The following MSRB3 variants were observed in gnomAD, a reference collection of about 807,000 sequenced individuals.
The protein encoded by MSRB3 is methionine-R-sulfoxide reductase B3.
Under a neutral mutation model 21.0 loss-of-function variants are expected in MSRB3, and 13 were observed. That is an observed-to-expected ratio of 0.62 (90% CI 0.40 to 0.98). MSRB3 has a LOEUF of 0.98. Ranked by LOEUF, MSRB3 falls within the 50% of genes least tolerant of loss-of-function variation. MSRB3 has a pLI of 0.00. For missense variants in MSRB3, 199 were observed against 230.3 expected (o/e 0.86, Z 0.88); for synonymous variants, 87 against 88.6 (o/e 0.98, Z 0.10).
chr12:65,453,855 C>T, intron 6 of MSRB3, 30 bp downstream of exon 6: 1 of 1,561,620 alleles, frequency 6.4e-7, no homozygotes, highest in Non-Finnish European at 8.8e-7. Context: ...AAACCCAATA[C>T]ATTGCTTTCA....
At chr12:65,314,199 C>A in intron 2 of MSRB3, among the ~76,000 whole-genome samples, 1 of 152,052 alleles carries the variant, frequency 6.6e-6, no homozygotes. Flanking sequence ...TATCTTGTAT[C>A]CAAATAGCTG....
At chr12:65,450,879 C>T (rs901739899) in intron 5 of MSRB3, among the ~76,000 whole-genome samples, 5 of 152,130 alleles carry the variant, frequency 3.3e-5, no homozygotes, top group African/African-American at 7.2e-5. Context: ...GAGGGAATTC[C>T]GCTTTCAAAG....
chr12:65,361,319 T>C (rs1382819851), intron 4 of MSRB3, among the ~76,000 whole-genome samples: 2 of 152,150 alleles, frequency 1.3e-5, no homozygotes, highest in African/African-American at 4.8e-5. Flanking sequence ...AAAATGGTCA[T>C]TGACTTCTCT....
chr12:65,434,349 A>G (rs953860699), intron 5 of MSRB3, among the ~76,000 whole-genome samples: 1 of 151,842 alleles, frequency 6.6e-6, no homozygotes, highest in Admixed American at 6.6e-5. Context: ...TCTGTTCTAG[A>G]ATATCCTTTA....
Position 65,463,120 on chromosome 12 carries a change from A to G in MSRB3, c.391-35A>G, listed in dbSNP as rs1016938341. 6.8e-6 allele frequency: 11 copies of G among 1,613,140 alleles called. No individual in the cohort carries two copies. In the African/African-American group the frequency reaches 8.0e-5, roughly 12 times the overall value. Reference sequence around the variant, plus strand: ...ATTCCTCTCAAAGCCTGCTTTGTACATGCTTTTCCCTGACGTTTTGTTCTT... The same window carrying G: ...ATTCCTCTCAAAGCCTGCTTTGTACGTGCTTTTCCCTGACGTTTTGTTCTT... On this transcript the variant is annotated intron_variant, in intron 6 of 6. Transcript: ENST00000308259.
At chr12:65,322,367 TATG>T (rs1874728670) in intron 2 of MSRB3, among the ~76,000 whole-genome samples, 1 of 152,038 alleles carries the variant, frequency 6.6e-6, no homozygotes, top group Non-Finnish European at 1.5e-5. Context: ...CCTGACAAAA[TATG>T]ATGACTGGCT....
chr12:65,388,159 C>T (rs1367916250), intron 5 of MSRB3, among the ~76,000 whole-genome samples: 1 of 152,156 alleles, frequency 6.6e-6, no homozygotes, highest in East Asian at 1.9e-4. Context: ...TGTTTTAAGA[C>T]TGACAATACA....
rs1394421240 is a variant in MSRB3 at position 65,428,848 on chromosome 12, G to A, written c.293-24880G>A. On this transcript the variant is annotated intron_variant, in intron 5 of 6. Coordinates refer to ENST00000308259, the MANE Select transcript of MSRB3 (RefSeq NM_001031679.3). ...TGCATTGTGCTGTTATTGTTGTTTC[G>A]TGCCCCTACATATGGGGTGTCCTCC... 3.9e-5 allele frequency among the ~76,000 whole-genome samples: 6 copies of A among 152,000 alleles called. No homozygotes were observed. In the South Asian group the frequency reaches 8.3e-4, roughly 21 times the overall value.
chr12:65,434,563 T>C (rs781744907), intron 5 of MSRB3, among the ~76,000 whole-genome samples: 1 of 151,886 alleles, frequency 6.6e-6, no homozygotes, highest in African/African-American at 2.4e-5. Context: ...TTGAAAAAGA[T>C]ATTAATAAGC....
At chr12:65,389,557 C>A (rs763122064) in intron 5 of MSRB3, among the ~76,000 whole-genome samples, 3 of 152,178 alleles carry the variant, frequency 2.0e-5, no homozygotes, top group African/African-American at 7.2e-5. Flanking sequence ...GCTATCCTCA[C>A]GTGTGATTTC....
intron 5 of MSRB3, among the ~76,000 whole-genome samples, chr12:65,386,960 C>T (rs1436648232): frequency 6.6e-6 from 1 of 152,030 alleles, no homozygotes; most frequent in African/African-American, 2.4e-5. Context: ...TACACAGATA[C>T]ATGCACCTTT....
At chr12:65,291,499 G>T (rs766470387) in intron 1 of MSRB3, among the ~76,000 whole-genome samples, 20 of 143,926 alleles carry the variant, frequency 1.4e-4, no homozygotes, top group Admixed American at 7.7e-4. Flanking sequence ...AAAAAAAAAA[G>T]CCTGCTCAAA....
intron 5 of MSRB3, among the ~76,000 whole-genome samples, chr12:65,393,612 T>C (rs1976271): frequency 0.66 from 94,494 of 142,724 alleles, 30,833 homozygotes; most frequent in Admixed American, 0.75. Flanking sequence ...GCCTGGGCAG[T>C]AGAGCGAGAC....
Position 65,345,981 on chromosome 12 carries a change from T to C in MSRB3, c.263+17378T>C, listed in dbSNP as rs141305565. Among the ~76,000 whole-genome samples, 309 of 152,308 alleles carry C rather than the reference T, an allele frequency of 2.0e-3. 2 individuals carry two copies. Among genetic ancestry groups the C allele is most frequent in the African/African-American group, 7.1e-3 (297 of 41,560 alleles). Reference sequence around the variant, plus strand: ...TGCCACATCTTGTTAATCCAGTCTATCATTGTTGGACATTTGGGTTGGTTC... The same window carrying C: ...TGCCACATCTTGTTAATCCAGTCTACCATTGTTGGACATTTGGGTTGGTTC... On this transcript the variant is annotated intron_variant, in intron 4 of 6. Transcript: ENST00000308259.
intron 5 of MSRB3, among the ~76,000 whole-genome samples, chr12:65,394,547 T>A (rs570948084): frequency 6.6e-6 from 1 of 152,300 alleles, no homozygotes; most frequent in South Asian, 2.1e-4. Flanking sequence ...TATTCACAAC[T>A]CTTCCAAAAA....
At chr12:65,307,130 T>G in intron 1 of MSRB3, 1 of 701,024 alleles carries the variant, frequency 1.4e-6, no homozygotes, top group Non-Finnish European at 1.8e-6. Flanking sequence ...TTTGATCTTT[T>G]ATTAGTCAGT....
chr12:65,313,129 G>A (rs1279536071), intron 2 of MSRB3, among the ~76,000 whole-genome samples: 1 of 152,064 alleles, frequency 6.6e-6, no homozygotes, highest in African/African-American at 2.4e-5. Flanking sequence ...AACTGTTTGA[G>A]GCGGTGAATA....
At chr12:65,319,653 A>G (rs1874533531) in intron 2 of MSRB3, among the ~76,000 whole-genome samples, 1 of 152,136 alleles carries the variant, frequency 6.6e-6, no homozygotes, top group Admixed American at 6.6e-5. Flanking sequence ...AGTGCTCATC[A>G]CAGTTCTTGA....
intron 5 of MSRB3, among the ~76,000 whole-genome samples, chr12:65,453,365 A>G (rs916129395): frequency 6.6e-6 from 1 of 152,160 alleles, no homozygotes; most frequent in Non-Finnish European, 1.5e-5. Context: ...AAACATCGTA[A>G]TGGAAGATTC....
Sources: allele counts gnomAD v4.1 joint callset (sites outside exome capture counted in the v4.1 genomes callset), GRCh38; gene constraint gnomAD v4.1.1; transcripts MANE v1.5; gene names NCBI Gene and HGNC (gene_info 2026-07-23, HGNC 2026-07-21).